The following GATAD2A variants were observed in gnomAD, a reference collection of about 807,000 sequenced individuals.
The protein encoded by GATAD2A is GATA zinc finger domain containing 2A, also known as transcriptional repressor p66-alpha.
Under a neutral mutation model 68.5 loss-of-function variants are expected in GATAD2A, and 12 were observed. The observed-to-expected ratio is 0.18, with a 90% confidence interval of 0.11 to 0.28. GATAD2A has a LOEUF of 0.28. GATAD2A is among the 10% of genes least tolerant of loss of function. GATAD2A has a pLI of 1.00. For synonymous variants in GATAD2A, 410 were observed against 375.3 expected (o/e 1.09, Z -1.07); for missense variants, 755 against 868.5 (o/e 0.87, Z 1.64).
rs750737868 is a variant in GATAD2A, at chr19:19,507,721, C to T, written c.*2247C>T. 2.0e-5 allele frequency: 3 copies of T among 151,872 alleles called. No homozygotes were observed. The highest frequency in any genetic ancestry group is 2.1e-4 in the South Asian group (1 of 4,796). 9.4% of individuals were successfully genotyped at this position (151,872 alleles called of 1,614,324 possible). On this transcript the variant is annotated 3_prime_UTR_variant, in exon 12 of 12. Coordinates refer to ENST00000683918, the MANE Select transcript of GATAD2A (RefSeq NM_001384528.1). ...GGCCCCATGTCCCCAGGGAGCATTC[C>T]ATCAGGGACAACGTACATACTGTGA...
chr19:19,465,826 G>A (rs1439212575), intron 2 of GATAD2A, among the ~76,000 whole-genome samples: 1 of 152,266 alleles, frequency 6.6e-6, no homozygotes, highest in Non-Finnish European at 1.5e-5. Context: ...GGCACAGAGT[G>A]TGGGTCTCAC....
intron 2 of GATAD2A, among the ~76,000 whole-genome samples, chr19:19,477,689 C>G (rs1201506366): frequency 6.6e-6 from 1 of 152,164 alleles, no homozygotes; most frequent in East Asian, 1.9e-4. Flanking sequence ...TTGGGACCCC[C>G]CTCTGGAGAA....
chr19:19,500,278 T>A (rs1034503351), intron 8 of GATAD2A, among the ~76,000 whole-genome samples: 3 of 152,138 alleles, frequency 2.0e-5, no homozygotes, highest in East Asian at 1.9e-4. Context: ...CACCAGAGCA[T>A]GTAAGCTGCA....
At chr19:19,464,032 C>T (rs554087061) in intron 1 of GATAD2A, among the ~76,000 whole-genome samples, 2 of 152,294 alleles carry the variant, frequency 1.3e-5, no homozygotes, top group African/African-American at 4.8e-5. Flanking sequence ...GCGACAGGAC[C>T]CCTGTGTTGC....
chr19:19,479,781 C>T (rs1386449382), intron 2 of GATAD2A, among the ~76,000 whole-genome samples: 1 of 151,802 alleles, frequency 6.6e-6, no homozygotes, highest in East Asian at 1.9e-4. Context: ...CCCTGCTCCA[C>T]CATTTCCATA....
chr19:19,440,279 T>C (rs1030730046), intron 1 of GATAD2A: 6 of 237,408 alleles, frequency 2.5e-5, no homozygotes, highest in Admixed American at 1.1e-4. Context: ...TTTATTTATT[T>C]ATTTTTTTTG....
chr19:19,492,228 C>T, intron 2 of GATAD2A, 78 bp from the exon 3 acceptor site: 1 of 1,451,208 alleles, frequency 6.9e-7, no homozygotes, highest in Non-Finnish European at 9.4e-7. Flanking sequence ...GTCTCAGCTC[C>T]CTGCCATGTG....
chr19:19,497,292 C>T (rs984095697), intron 7 of GATAD2A, among the ~76,000 whole-genome samples: 14 of 152,234 alleles, frequency 9.2e-5, no homozygotes, highest in African/African-American at 2.4e-4. Flanking sequence ...GACAGTGTTA[C>T]ACCATGTTGG....
intron 1 of GATAD2A, among the ~76,000 whole-genome samples, chr19:19,415,859 A>C (rs2051558688): frequency 6.6e-6 from 1 of 150,426 alleles, no homozygotes; most frequent in African/African-American, 2.4e-5. Context: ...CTCGTGATCC[A>C]CCCACCTTGG....
chr19:19,401,624 C>T (rs1340438885), upstream of GATAD2A, among the ~76,000 whole-genome samples: 3 of 151,806 alleles, frequency 2.0e-5, no homozygotes, highest in Non-Finnish European at 4.4e-5. Context: ...TTCTTGGGCT[C>T]CAAAATCCTT....
chr19:19,404,717 G>A (rs1239320429), upstream of GATAD2A, among the ~76,000 whole-genome samples: 1 of 152,132 alleles, frequency 6.6e-6, no homozygotes, highest in Non-Finnish European at 1.5e-5. Context: ...TACGTTGCAT[G>A]TGGTAAATTT....
rs201335898 is a variant in GATAD2A at position 19,498,578 on chromosome 19, A to C, written c.1060A>C (p.Lys354Gln). The change falls in exon 8 of 12, where the codon AAA becomes CAA. Residue 354 changes from lysine (K) to glutamine (Q), a missense_variant. Transcript: ENST00000683918. ...GGCGGCCGCCAAGCTGGCGCTGCGC[A>C]AACAGCTGGAGAAGACGCTACTCGA... The part of the protein sequence containing the change: ...RQAAAKLALR[K>Q]QLEKTLLEIP... The C allele has an allele frequency of 3.1e-6, 5 of 1,613,904 alleles. No homozygotes were observed. The highest frequency in any genetic ancestry group is 1.3e-5 in the African/African-American group (1 of 75,056).
intron 2 of GATAD2A, among the ~76,000 whole-genome samples, chr19:19,478,656 C>G (rs1043259597): frequency 6.6e-5 from 10 of 151,212 alleles, no homozygotes; most frequent in African/African-American, 2.2e-4. Flanking sequence ...ACTAAAAATC[C>G]AAAAAAATTG....
intron 2 of GATAD2A, among the ~76,000 whole-genome samples, chr19:19,478,380 C>G (rs1176337515): frequency 3.3e-5 from 5 of 152,102 alleles, no homozygotes; most frequent in Admixed American, 6.6e-5. Context: ...GTGGGCAGAT[C>G]ACATGAGGCC....
intron 1 of GATAD2A, among the ~76,000 whole-genome samples, chr19:19,432,041 T>C (rs1033311119): frequency 1.3e-5 from 2 of 152,176 alleles, no homozygotes; most frequent in African/African-American, 4.8e-5. Context: ...AATGGTGCGA[T>C]CTCAGCTCAC....
At position 19,469,954 on chromosome 19, in the gene GATAD2A, A is replaced by C. The variant is rs150626317; in HGVS notation, c.269+4340A>C. On this transcript the variant is annotated intron_variant, in intron 2 of 11. Coordinates refer to ENST00000683918, the MANE Select transcript of GATAD2A (RefSeq NM_001384528.1). ...AGAGCTCCGTCTGTCTCAGAAAAAA[A>C]AAAAAAGAAGCAAGATTCAGCTTAA... 7.0e-3 allele frequency among the ~76,000 whole-genome samples: 1,068 copies of C among 151,556 alleles called. 4 individuals carry two copies. The highest frequency in any genetic ancestry group is 0.037 in the Middle Eastern group (11 of 294).
rs1205131673 is a variant in GATAD2A, at chr19:19,498,426, G to A, written c.925-17G>A. On this transcript the variant is annotated splice_polypyrimidine_tract_variant and intron_variant, in intron 7 of 11. Coordinates refer to ENST00000683918, the MANE Select transcript of GATAD2A (RefSeq NM_001384528.1). ...CAGGCGCACGGAGCGCCCTGACTGA[G>A]TTTTTGTCTCCCAAAGCCCACCCCA... 3.8e-6 allele frequency: 6 copies of A among 1,595,612 alleles called. No individual in the cohort carries two copies. The South Asian group carries it at 4.4e-5, about 12-fold the overall frequency.
At chr19:19,454,176 T>C (rs2056694603) in intron 1 of GATAD2A, among the ~76,000 whole-genome samples, 1 of 145,084 alleles carries the variant, frequency 6.9e-6, no homozygotes, top group Non-Finnish European at 1.5e-5. Flanking sequence ...TTTGTATTTT[T>C]AGTAGAGACA....
At chr19:19,500,386 C>T (rs1222446306) in intron 8 of GATAD2A, among the ~76,000 whole-genome samples, 1 of 152,132 alleles carries the variant, frequency 6.6e-6, no homozygotes, top group African/African-American at 2.4e-5. Flanking sequence ...TCCCCACCCC[C>T]CAGCCCCTGC....
Sources: allele counts gnomAD v4.1 joint callset (sites outside exome capture counted in the v4.1 genomes callset), GRCh38; gene constraint gnomAD v4.1.1; transcripts MANE v1.5; gene names NCBI Gene and HGNC (gene_info 2026-07-23, HGNC 2026-07-21).